Variants in TUT1 observed in about 807,000 individuals in gnomAD.
The protein encoded by TUT1 is speckle targeted PIP5K1A-regulated poly(A) polymerase.
TUT1 carries 26 observed loss-of-function variants against 48.8 expected under a neutral mutation model. That is an observed-to-expected ratio of 0.53 (90% CI 0.39 to 0.74). The LOEUF (loss-of-function observed/expected upper bound fraction) is 0.74, where lower values mean the gene tolerates loss of function less well. Among genes scored for constraint, TUT1 ranks in the 30% least tolerant of loss-of-function variants. The pLI, the probability that TUT1 is intolerant of heterozygous loss-of-function variation, is 0.00. For synonymous variants in TUT1, 470 were observed against 460.8 expected (o/e 1.02, Z -0.26); for missense variants, 1,065 against 1,114.8 (o/e 0.96, Z 0.64).
rs1942009120 is a variant in TUT1, at chr11:62,591,287, G to A, written c.82+117C>T. 3 of 1,411,740 alleles carry A rather than the reference G, an allele frequency of 2.1e-6. No homozygotes were observed. In the South Asian group the frequency reaches 5.2e-5, roughly 24 times the overall value. 87.5% of individuals were successfully genotyped at this position (1,411,740 alleles called of 1,614,324 possible). On this transcript the variant is annotated intron_variant, in intron 1 of 8. Transcript: ENST00000476907. ...GACTTGCAGAGAAAAACGGAGGTGA[G>A]AGACCCTACCAATCAACTTGACAAG...
intron 2 of TUT1, among the ~76,000 whole-genome samples, chr11:62,584,641 A>C (rs1043120947): frequency 7.3e-5 from 11 of 151,164 alleles, no homozygotes; most frequent in African/African-American, 2.4e-4. Flanking sequence ...ATGGGGTTTC[A>C]CCATGTTGGC....
chr11:62,578,727 C>T lies in TUT1; in HGVS notation c.994G>A (p.Glu332Lys). 1 of 1,614,194 alleles carries T rather than the reference C, an allele frequency of 6.2e-7. No individual in the cohort carries two copies. Among genetic ancestry groups the T allele is most frequent in the Non-Finnish European group, 8.5e-7 (1 of 1,180,042 alleles). ...ATTGCTGCCCCCTCTGCTTTCTCCT[C>T]CTTTGGGGTCTCTGCTAGTTCCGAG... is the stretch of plus-strand genomic sequence containing the variant. ...KASELAETPK[E>K]EKAEGAAMLE... The change falls in exon 5 of 9, where the codon GAG becomes AAG. Residue 332 changes from glutamate to lysine, a missense_variant. By Grantham distance (56) the Glu-to-Lys change is moderately conservative (BLOSUM62 1). Coordinates refer to ENST00000476907, the MANE Select transcript of TUT1 (RefSeq NM_022830.3).
intron 4 of TUT1, among the ~76,000 whole-genome samples, chr11:62,580,624 G>A (rs376737360): frequency 6.6e-5 from 1 of 15,182 alleles, no homozygotes; most frequent in African/African-American, 3.2e-4. Context: ...TTTTTTTTTT[G>A]AGGAGTCTCC....
chr11:62,583,106 C>T (rs993302062), intron 2 of TUT1, among the ~76,000 whole-genome samples: 1 of 130,390 alleles, frequency 7.7e-6, no homozygotes, highest in Non-Finnish European at 1.5e-5. Flanking sequence ...CCAGCCTGGG[C>T]GACAGTGGGA....
chr11:62,589,157 C>T lies in TUT1; in HGVS notation c.147G>A (p.Ala49=), dbSNP rs1941967348. ...KHRHLVELRA[A]RKAQGLRSVF... ...CACTTCGAAGTCCCTGGGCCTTTCTCGCAGCTCGTAGTTCTACCAGGTGCC... is the reference window on the plus strand; with the variant it reads ...CACTTCGAAGTCCCTGGGCCTTTCTTGCAGCTCGTAGTTCTACCAGGTGCC... The change falls in exon 2 of 9, where the codon GCG becomes GCA. Residue 49 remains alanine (A), a synonymous_variant. Transcript: ENST00000476907. 3 of 1,614,274 alleles carry T rather than the reference C, an allele frequency of 1.9e-6. No homozygotes were observed. The highest frequency in any genetic ancestry group is 2.5e-6 in the Non-Finnish European group (3 of 1,180,052).
Position 62,575,995 on chromosome 11 carries a change from C to G in TUT1, c.1724G>C (p.Arg575Pro). The change falls in exon 9 of 9, where the codon CGA becomes CCA. Residue 575 changes from arginine (R) to proline (P), a missense_variant. Coordinates refer to ENST00000476907, the MANE Select transcript of TUT1 (RefSeq NM_022830.3). ...NCCRAAANYCRSLQYQRRSSR... is the reference protein window; with the variant it reads ...NCCRAAANYCPSLQYQRRSSR... Reference sequence around the variant, plus strand: ...GGAACGGCGCTGGTACTGGAGGCTTCGGCAGTAATTGGCTGCTGCTCGGCA... The same window carrying G: ...GGAACGGCGCTGGTACTGGAGGCTTGGGCAGTAATTGGCTGCTGCTCGGCA... 1.2e-6 allele frequency: 2 copies of G among 1,613,924 alleles called. No homozygotes were observed. Among genetic ancestry groups the G allele is most frequent in the South Asian group, 1.1e-5 (1 of 91,086 alleles).
At position 62,581,505 on chromosome 11, in the gene TUT1, G is replaced by A. The variant is rs772246179; in HGVS notation, c.470C>T (p.Ala157Val). 1.2e-6 allele frequency: 2 copies of A among 1,614,212 alleles called. No individual in the cohort carries two copies. Among genetic ancestry groups the A allele is most frequent in the East Asian group, 2.2e-5 (1 of 44,882 alleles). Reference sequence around the variant, plus strand: ...CTTTATCATTTGTGCCCCCACGTCTGCAGCCTCAGCTAGCGCTTTGGCCAG... The same window carrying A: ...CTTTATCATTTGTGCCCCCACGTCTACAGCCTCAGCTAGCGCTTTGGCCAG... ...HQLAKALAEA[A>V]DVGAQMIKLV... The change falls in exon 3 of 9, where the codon GCA becomes GTA. Residue 157 changes from alanine (A) to valine (V), a missense_variant. Ala to Val is a moderately conservative substitution (Grantham distance 64, BLOSUM62 0). Coordinates refer to ENST00000476907, the MANE Select transcript of TUT1 (RefSeq NM_022830.3).
chr11:62,586,517 G>A (rs1375330749), intron 2 of TUT1, among the ~76,000 whole-genome samples: 1 of 152,162 alleles, frequency 6.6e-6, no homozygotes, highest in Non-Finnish European at 1.5e-5. Context: ...AGTGGCTTAC[G>A]CCTGTAATCC....
chr11:62,588,502 T>C (rs894460439), intron 2 of TUT1, among the ~76,000 whole-genome samples: 1 of 151,932 alleles, frequency 6.6e-6, no homozygotes, highest in African/African-American at 2.4e-5. Flanking sequence ...CACAGTGAGC[T>C]GAGATTGTGC....
intron 8 of TUT1, 198 bp downstream of exon 8, chr11:62,576,459 T>C: frequency 1.3e-6 from 1 of 781,818 alleles, no homozygotes; most frequent in Non-Finnish European, 2.0e-6. Flanking sequence ...TGCTGCTCCT[T>C]GCTAGCCAGT....
At chr11:62,587,514 G>GC (rs1366702698) in intron 2 of TUT1, among the ~76,000 whole-genome samples, 1 of 152,140 alleles carries the variant, frequency 6.6e-6, no homozygotes, top group East Asian at 1.9e-4. Flanking sequence ...CCTACAAGCT[G>GC]CCCCTTCTTC....
chr11:62,575,097 C>G lies in TUT1; in HGVS notation c.2622G>C (p.Lys874Asn). 6.4e-7 allele frequency: 1 copy of G among 1,561,262 alleles called. No homozygotes were observed. The highest frequency in any genetic ancestry group is 8.7e-7 in the Non-Finnish European group (1 of 1,152,744). ...TTGCCCTTCAGGGGCCATGTCTTCA[C>G]TTGAGATGTCGAATTGCTTGAGGGA... ...VFLPQAIRHLK is the reference protein window; with the variant it reads ...VFLPQAIRHLN Residue 874 changes from lysine (K) to asparagine (N), a missense_variant, in exon 9 of 9, where the codon AAG becomes AAC. Coordinates refer to ENST00000476907, the MANE Select transcript of TUT1 (RefSeq NM_022830.3).
chr11:62,583,486 G>A (rs1387069977), intron 2 of TUT1, among the ~76,000 whole-genome samples: 1 of 152,082 alleles, frequency 6.6e-6, no homozygotes, highest in Non-Finnish European at 1.5e-5. Flanking sequence ...GTGCATGCCT[G>A]TAATCCCAGC....
rs748477539 is a variant in TUT1, at chr11:62,578,851, C to A, written c.870G>T (p.Pro290=). 1.4e-5 allele frequency: 23 copies of A among 1,612,978 alleles called. No homozygotes were observed. Among genetic ancestry groups the A allele is most frequent in the Admixed American group, 6.7e-5 (4 of 59,868 alleles). ...TPSSSLAPQT[P]DSALASETLA... ...GGGTCTCGGAGGCCAAGGCAGAGTCCGGAGTTTGGGGCGCCAGGGAGGAGG... is the reference window on the plus strand; with the variant it reads ...GGGTCTCGGAGGCCAAGGCAGAGTCAGGAGTTTGGGGCGCCAGGGAGGAGG... The change falls in exon 5 of 9, where the codon CCG becomes CCT. Residue 290 remains proline, a synonymous_variant. Transcript: ENST00000476907.
At position 62,581,681 on chromosome 11, in the gene TUT1, C is replaced by T; in HGVS notation, c.294G>A (p.Glu98=). ...DKDKGVFAIV[E]MGDVGAREAV... is the part of the protein sequence containing the mutation. ...CCTCTCGAGCACCCACGTCCCCCAT[C>T]TCCACAATGGCAAACACTCCCTGGT... The change falls in exon 3 of 9, where the codon GAG becomes GAA. Residue 98 remains glutamate (E), a synonymous_variant. Coordinates refer to ENST00000476907, the MANE Select transcript of TUT1 (RefSeq NM_022830.3). 1 of 1,474,552 alleles carries T rather than the reference C, an allele frequency of 6.8e-7. No homozygotes were observed. The highest frequency in any genetic ancestry group is 9.0e-7 in the Non-Finnish European group (1 of 1,111,296). The allele number at this position is 1,474,552 out of a possible 1,614,324, so 91.3% of individuals were successfully genotyped here. A position where few individuals can be genotyped will look rare whatever the true frequency, so the allele number is the denominator to read the frequency against.
At position 62,591,450 on chromosome 11, in the gene TUT1, C is replaced by A. The variant is rs763298243; in HGVS notation, c.36G>T (p.Pro12=). Residue 12 remains proline (P), a synonymous_variant, in exon 1 of 9, where the codon CCG becomes CCT. Transcript: ENST00000476907. ...AAVDSDVESL[P]RGGFRCCLCH... is the part of the protein sequence containing the mutation. The stretch of plus-strand genomic sequence containing the variant: ...AGAGGCAGCAGCGGAACCCCCCACG[C>A]GGCAGCGATTCGACATCCGAATCCA... The A allele has an allele frequency of 1.2e-6, 2 of 1,609,774 alleles. No homozygotes were observed. Among genetic ancestry groups the A allele is most frequent in the African/African-American group, 1.3e-5 (1 of 74,854 alleles).
Position 62,583,085 on chromosome 11 carries a change from G to A in TUT1, c.274-1384C>T, listed in dbSNP as rs539049869. 4.3e-5 allele frequency among the ~76,000 whole-genome samples: 6 copies of A among 138,258 alleles called. No individual in the cohort carries two copies. In the East Asian group the frequency reaches 6.3e-4, roughly 15 times the overall value. The allele number at this position is 138,258 out of a possible 152,430, so 90.7% of individuals were successfully genotyped here. A position where few individuals can be genotyped will look rare whatever the true frequency, so the allele number is the denominator to read the frequency against. ...GGAGCTTGCAGTGAGCTGAGATGGC[G>A]CCACTGCACTCCAGCCTGGGCGACA... On this transcript the variant is annotated intron_variant, in intron 2 of 8. Transcript: ENST00000476907.
intron 1 of TUT1, 28 bp from the exon 2 acceptor site, chr11:62,589,249 A>G: frequency 6.2e-7 from 1 of 1,609,910 alleles, no homozygotes. Context: ...AGACAAAAAC[A>G]TGCAAAGCAC....
chr11:62,581,775 A>G, intron 2 of TUT1, 74 bp from the exon 3 acceptor site: 2 of 1,180,974 alleles, frequency 1.7e-6, no homozygotes, highest in South Asian at 2.1e-5. Context: ...GTGGATGAGA[A>G]TATTTGAAAT....
Sources: allele counts gnomAD v4.1 joint callset (sites outside exome capture counted in the v4.1 genomes callset), GRCh38; gene constraint gnomAD v4.1.1; transcripts MANE v1.5; gene names NCBI Gene and HGNC (gene_info 2026-07-23, HGNC 2026-07-21).